GBE1: variants seen among roughly 807,000 people sequenced by gnomAD.
The protein encoded by GBE1 is 1,4-alpha-glucan-branching enzyme.
Under a neutral mutation model 88.8 loss-of-function variants are expected in GBE1, and 70 were observed. The ratio of observed to expected loss-of-function variants is 0.79; its 90% CI spans 0.65 to 0.96. The LOEUF is 0.96. GBE1 is among the 40% of genes least tolerant of loss of function. The probability of loss-of-function intolerance (pLI) is 0.00; values close to 1 mark genes in which losing one functional copy is unlikely to be tolerated. For synonymous variants in GBE1, 284 were observed against 300.1 expected (o/e 0.95, Z 0.56); for missense variants, 872 against 871.0 (o/e 1.00, Z -0.01).
At position 81,593,850 on chromosome 3, in the gene GBE1, TAA is replaced by T. The variant is rs1410645761; in HGVS notation, c.1108+56_1108+57del. ...GAACTAATAAAAACCAAGACACCAG[TAA>T]TGGCTATTGCAGCTTCTGCAATTAA... On this transcript the variant is annotated intron_variant, in intron 8 of 15. Transcript: ENST00000429644. 1.9e-5 allele frequency: 15 copies of T among 776,166 alleles called. No homozygotes were observed. The African/African-American group carries it at 2.7e-4, about 14-fold the overall frequency. 48.1% of individuals were successfully genotyped at this position (776,166 alleles called of 1,614,324 possible).
intron 1 of GBE1, chr3:81,743,498 A>T: frequency 8.9e-7 from 1 of 1,123,038 alleles, no homozygotes; most frequent in Middle Eastern, 1.9e-4. Context: ...AATCTTTCCA[A>T]CCCCCCTCTC....
chr3:81,586,980 T>A lies in GBE1; in HGVS notation c.1237-790A>T, dbSNP rs546545564. On this transcript the variant is annotated intron_variant, in intron 9 of 15. Transcript: ENST00000429644. ...ATATTTTTTATATTTTTGATAGAGA[T>A]GGGGTTTCATCATGTTGGCCAGGCT... Among the ~76,000 whole-genome samples, 57 of 152,060 alleles carry A rather than the reference T, an allele frequency of 3.7e-4. No homozygotes were observed. In the South Asian group the frequency reaches 6.4e-3, roughly 17 times the overall value.
chr3:81,576,602 G>C (rs1703649950), intron 12 of GBE1, among the ~76,000 whole-genome samples: 1 of 152,126 alleles, frequency 6.6e-6, no homozygotes, highest in Admixed American at 6.5e-5. Flanking sequence ...GATGCATCCT[G>C]AGTCAGGTAG....
chr3:81,675,300 C>G (rs952847377), intron 2 of GBE1, among the ~76,000 whole-genome samples: 1 of 151,944 alleles, frequency 6.6e-6, no homozygotes, highest in South Asian at 2.1e-4. Context: ...ATAAATAATC[C>G]TTTGAGGCTA....
intron 1 of GBE1, among the ~76,000 whole-genome samples, chr3:81,752,325 AT>A (rs544572096): frequency 9.2e-5 from 14 of 152,076 alleles, no homozygotes; most frequent in Non-Finnish European, 4.4e-5. Context: ...GCTATTATAT[AT>A]TTTTTCTTCT....
At chr3:81,738,024 T>G (rs1395571793) in intron 1 of GBE1, among the ~76,000 whole-genome samples, 1 of 151,986 alleles carries the variant, frequency 6.6e-6, no homozygotes, top group African/African-American at 2.4e-5. Context: ...GTTCTTGCGA[T>G]AGTTTACTGA....
intron 14 of GBE1, among the ~76,000 whole-genome samples, chr3:81,502,801 G>A (rs1489472081): frequency 6.6e-6 from 1 of 152,086 alleles, no homozygotes; most frequent in Non-Finnish European, 1.5e-5. Context: ...GACCCACACA[G>A]CACCACAATT....
At chr3:81,550,688 A>G (rs1703259509) in intron 12 of GBE1, among the ~76,000 whole-genome samples, 1 of 152,200 alleles carries the variant, frequency 6.6e-6, no homozygotes, top group Admixed American at 6.5e-5. Context: ...CAACATGGCA[A>G]TGAGAGTGAC....
chr3:81,710,222 G>C (rs763347110), intron 1 of GBE1, among the ~76,000 whole-genome samples: 90 of 129,210 alleles, frequency 7.0e-4, no homozygotes, highest in Non-Finnish European at 1.2e-3. Context: ...TTACTCTTAA[G>C]GTAATTAATC....
At chr3:81,758,917 G>A (rs1377638315) in intron 1 of GBE1, among the ~76,000 whole-genome samples, 1 of 152,186 alleles carries the variant, frequency 6.6e-6, no homozygotes, top group African/African-American at 2.4e-5. Flanking sequence ...CTGATGGGAG[G>A]TAACTGAATC....
intron 1 of GBE1, among the ~76,000 whole-genome samples, chr3:81,710,789 A>G (rs969888330): frequency 5.3e-5 from 8 of 152,304 alleles, no homozygotes; most frequent in East Asian, 3.9e-4. Context: ...TTTAAAACAC[A>G]TATTAGCTAT....
chr3:81,743,006 A>C (rs1706371692), intron 1 of GBE1, among the ~76,000 whole-genome samples: 1 of 152,140 alleles, frequency 6.6e-6, no homozygotes, highest in African/African-American at 2.4e-5. Flanking sequence ...ACCCCTAGTC[A>C]ATACACATTT....
At chr3:81,614,163 C>T (rs1704218157) in intron 7 of GBE1, among the ~76,000 whole-genome samples, 1 of 152,126 alleles carries the variant, frequency 6.6e-6, no homozygotes, top group African/African-American at 2.4e-5. Flanking sequence ...TACAGGTGCA[C>T]ACCACCACTC....
chr3:81,691,354 A>G (rs1209056400), intron 2 of GBE1, among the ~76,000 whole-genome samples: 1 of 152,244 alleles, frequency 6.6e-6, no homozygotes, highest in Non-Finnish European at 1.5e-5. Context: ...AAAAAATGAA[A>G]TGAAAATTAT....
chr3:81,541,181 T>A (rs1355176602), intron 12 of GBE1, among the ~76,000 whole-genome samples: 2 of 151,928 alleles, frequency 1.3e-5, no homozygotes, highest in African/African-American at 4.8e-5. Context: ...TTTTCAATAG[T>A]ACAGAAATGA....
intron 1 of GBE1, among the ~76,000 whole-genome samples, chr3:81,722,627 G>T (rs1706049363): frequency 6.6e-6 from 1 of 151,818 alleles, no homozygotes; most frequent in Non-Finnish European, 1.5e-5. Flanking sequence ...AGGAAGAAAT[G>T]AGGACAGCCA....
At chr3:81,750,550 T>TAC (rs1553696541) in intron 1 of GBE1, among the ~76,000 whole-genome samples, 9 of 82,890 alleles carry the variant, frequency 1.1e-4, no homozygotes, top group African/African-American at 4.6e-4. Context: ...TATATATATA[T>TAC]GTATATATAT....
Position 81,499,414 on chromosome 3 carries a change from C to T in GBE1, c.1935-187G>A, listed in dbSNP as rs571012337. On this transcript the variant is annotated intron_variant, in intron 14 of 15. Transcript: ENST00000429644. ...TTATAGGCTATCTACTGCACACACTCATGAGATCCCTGTTATACTTCCATC... is the reference window on the plus strand; with the variant it reads ...TTATAGGCTATCTACTGCACACACTTATGAGATCCCTGTTATACTTCCATC... Among the ~76,000 whole-genome samples, 4 of 152,324 alleles carry T rather than the reference C, an allele frequency of 2.6e-5. No homozygotes were observed. In the Middle Eastern group the frequency reaches 0.01, roughly 389 times the overall value.
At chr3:81,586,008 A>T in intron 10 of GBE1, 84 bp downstream of exon 10, 1 of 754,470 alleles carries the variant, frequency 1.3e-6, no homozygotes, top group Non-Finnish European at 2.2e-6. Flanking sequence ...TCTGTAACTA[A>T]TGATTACAAC....
Sources: gnomAD v4.1 joint callset for allele counts (sites outside exome capture counted in the v4.1 genomes callset) on GRCh38, gnomAD v4.1.1 for gene constraint, MANE v1.5 for transcripts, NCBI Gene and HGNC (gene_info 2026-07-23, HGNC 2026-07-21) for gene names.